The following DOCK7 variants were observed in gnomAD, a reference collection of about 807,000 sequenced individuals.
The protein encoded by DOCK7 is dedicator of cytokinesis 7.
In DOCK7, 138 loss-of-function variants were observed where a neutral mutation model predicts 271.0. That is an observed-to-expected ratio of 0.51 (90% CI 0.44 to 0.59). DOCK7 has a LOEUF of 0.59. DOCK7 is among the 20% of genes least tolerant of loss of function. The probability of loss-of-function intolerance (pLI) is 0.00; values close to 1 mark genes in which losing one functional copy is unlikely to be tolerated. For missense variants in DOCK7, 2,066 were observed against 2,592.4 expected (o/e 0.80, Z 4.41); for synonymous variants, 823 against 876.1 (o/e 0.94, Z 1.07).
intron 14 of DOCK7, chr1:62,598,089 T>C (rs753630997): frequency 6.5e-7 from 1 of 1,543,580 alleles, no homozygotes; most frequent in Non-Finnish European, 8.7e-7. Flanking sequence ...AGGGTTCATG[T>C]TTATGTTTTC....
intron 29 of DOCK7, among the ~76,000 whole-genome samples, chr1:62,534,143 C>T (rs1454413647): frequency 6.6e-6 from 1 of 152,096 alleles, no homozygotes; most frequent in African/African-American, 2.4e-5. Flanking sequence ...GGATTACAGA[C>T]ATGAGCCACC....
intron 36 of DOCK7, 128 bp downstream of exon 36, chr1:62,505,554 A>G (rs1195186213): frequency 9.4e-7 from 1 of 1,066,524 alleles, no homozygotes; most frequent in African/African-American, 1.6e-5. Context: ...GTTATTATTT[A>G]AATTTTAACT....
intron 41 of DOCK7, 67 bp from the exon 42 acceptor site, chr1:62,489,132 T>C: frequency 7.1e-7 from 1 of 1,404,652 alleles, no homozygotes; most frequent in Non-Finnish European, 9.6e-7. Context: ...AGTAATTATA[T>C]GAATTCGCAA....
chr1:62,599,242 C>T (rs1649750669), intron 14 of DOCK7, among the ~76,000 whole-genome samples: 1 of 152,038 alleles, frequency 6.6e-6, no homozygotes, highest in African/African-American at 2.4e-5. Context: ...GACTTCACCT[C>T]CTCTACTCTA....
chr1:62,537,908 A>T lies in DOCK7; in HGVS notation c.3454T>A (p.Ser1152Thr), dbSNP rs1381790330. 5.6e-6 allele frequency: 9 copies of T among 1,613,660 alleles called. No homozygotes were observed. The highest frequency in any genetic ancestry group is 1.6e-4 in the Middle Eastern group (1 of 6,062). Residue 1152 changes from serine to threonine, a missense_variant, in exon 28 of 50, where the codon TCT (serine) becomes ACT (threonine). Physicochemically the swap from Ser to Thr is moderately conservative, Grantham distance 58 (BLOSUM62 1). Coordinates refer to ENST00000635253, the MANE Select transcript of DOCK7 (RefSeq NM_001367561.1). ...TPPASPSPSVSSATSQSSGFS... is the reference protein window; with the variant it reads ...TPPASPSPSVTSATSQSSGFS... ...TTGCATACCTGAGATGTTGCAGAAG[A>T]AACAGAAGGTGATGGAGATGCAGGT...
intron 1 of DOCK7, among the ~76,000 whole-genome samples, chr1:62,677,076 T>C (rs1660618286): frequency 6.6e-6 from 1 of 152,214 alleles, no homozygotes; most frequent in Non-Finnish European, 1.5e-5. Flanking sequence ...GGAACCACTA[T>C]AAATGACTAA....
At chr1:62,604,482 T>C (rs1650651317) in intron 14 of DOCK7, 1 of 931,732 alleles carries the variant, frequency 1.1e-6, no homozygotes, top group Non-Finnish European at 1.6e-6. Flanking sequence ...TTATTTAAAA[T>C]TGGGACTTAT....
chr1:62,655,679 G>A (rs1010713123), intron 2 of DOCK7, among the ~76,000 whole-genome samples: 8 of 152,002 alleles, frequency 5.3e-5, no homozygotes, highest in African/African-American at 9.7e-5. Flanking sequence ...CGCCTGCTTC[G>A]GCCTCCCGAA....
chr1:62,677,018 T>C (rs1660610090), intron 1 of DOCK7, among the ~76,000 whole-genome samples: 1 of 152,228 alleles, frequency 6.6e-6, no homozygotes, highest in Admixed American at 6.5e-5. Context: ...AAACTGCAGA[T>C]AGGAGAGCTG....
chr1:62,552,530 T>C lies in DOCK7; in HGVS notation c.2766+202A>G, dbSNP rs368488731. ...TAGTGATTCCAGACAAATTTTAGAA[T>C]TTTTAGTGGAGTAGTTTGTAAGAGC... On this transcript the variant is annotated intron_variant, in intron 22 of 49. Coordinates refer to ENST00000635253, the MANE Select transcript of DOCK7 (RefSeq NM_001367561.1). 3.9e-4 allele frequency among the ~76,000 whole-genome samples: 60 copies of C among 152,330 alleles called. 1 individual carries two copies. The highest frequency in any genetic ancestry group is 1.4e-3 in the African/African-American group (57 of 41,578).
chr1:62,657,838 T>C (rs1368761365), intron 2 of DOCK7, among the ~76,000 whole-genome samples: 4 of 151,516 alleles, frequency 2.6e-5, no homozygotes, highest in South Asian at 2.1e-4. Context: ...AAAATAGAAA[T>C]TATCCAATCT....
At chr1:62,489,535 G>A (rs562124209) in intron 41 of DOCK7, among the ~76,000 whole-genome samples, 2 of 152,158 alleles carry the variant, frequency 1.3e-5, no homozygotes, top group South Asian at 4.1e-4. Context: ...ACTGTATTAA[G>A]GTTTAATAAA....
chr1:62,576,799 T>C (rs1489941075), intron 18 of DOCK7, among the ~76,000 whole-genome samples: 3 of 152,346 alleles, frequency 2.0e-5, no homozygotes, highest in African/African-American at 7.2e-5. Flanking sequence ...CAATATCTCA[T>C]GTATTACAGG....
chr1:62,591,882 AT>A (rs1318212580), intron 14 of DOCK7, among the ~76,000 whole-genome samples: 2 of 152,212 alleles, frequency 1.3e-5, no homozygotes, highest in Non-Finnish European at 2.9e-5. Flanking sequence ...GCCAAAATAC[AT>A]GAGGGCAGGG....
intron 22 of DOCK7, among the ~76,000 whole-genome samples, chr1:62,548,404 T>C (rs1645782336): frequency 6.7e-6 from 1 of 148,568 alleles, no homozygotes; most frequent in Admixed American, 6.9e-5. Flanking sequence ...ATGACTTAAT[T>C]TTTGTGTGTG....
chr1:62,568,465 TA>T (rs1272425383), intron 18 of DOCK7, among the ~76,000 whole-genome samples: 17 of 21,286 alleles, frequency 8.0e-4, no homozygotes, highest in South Asian at 6.4e-3. Flanking sequence ...CATGCCAGGC[TA>T]ATTTTTTTTT....
At chr1:62,583,857 T>C (rs967561971) in intron 15 of DOCK7, among the ~76,000 whole-genome samples, 2 of 152,170 alleles carry the variant, frequency 1.3e-5, no homozygotes, top group East Asian at 1.9e-4. Context: ...AATAAGTTTA[T>C]AGATAAAGTA....
intron 7 of DOCK7, among the ~76,000 whole-genome samples, chr1:62,637,061 AAC>A (rs1207529636): frequency 6.6e-6 from 1 of 152,228 alleles, no homozygotes; most frequent in Non-Finnish European, 1.5e-5. Context: ...AATCATAATT[AAC>A]AGTTTAATGC....
At chr1:62,673,038 TA>T (rs1424622252) in intron 1 of DOCK7, among the ~76,000 whole-genome samples, 12 of 152,142 alleles carry the variant, frequency 7.9e-5, no homozygotes, top group Admixed American at 7.9e-4. Context: ...TATGGCTAAA[TA>T]AAATGCCAAT....
Sources: gnomAD v4.1 joint callset for allele counts (sites outside exome capture counted in the v4.1 genomes callset) on GRCh38, gnomAD v4.1.1 for gene constraint, MANE v1.5 for transcripts, NCBI Gene and HGNC (gene_info 2026-07-23, HGNC 2026-07-21) for gene names.